The following SGCZ variants were observed in gnomAD, a reference collection of about 807,000 sequenced individuals.
SGCZ encodes the protein zeta-sarcoglycan.
In SGCZ, 40 loss-of-function variants were observed where a neutral mutation model predicts 41.3. The ratio of observed to expected loss-of-function variants is 0.97; its 90% CI spans 0.75 to 1.26. SGCZ has a LOEUF of 1.26. Ranked by LOEUF, SGCZ falls within the 50% of genes most tolerant of loss-of-function variation. SGCZ has a pLI of 0.00. For missense variants in SGCZ, 552 were observed against 369.8 expected (o/e 1.49, Z -4.04); for synonymous variants, 206 against 137.5 (o/e 1.50, Z -3.49).
intron 1 of SGCZ, among the ~76,000 whole-genome samples, chr8:14,667,198 AGTT>A (rs2117499294): frequency 6.6e-6 from 1 of 152,296 alleles, no homozygotes; most frequent in South Asian, 2.1e-4. Context: ...GTAATGTAAA[AGTT>A]TTGGAGAGGG....
intron 2 of SGCZ, among the ~76,000 whole-genome samples, chr8:14,411,296 G>A (rs73219744): frequency 0.47 from 71,362 of 151,976 alleles, 18,153 homozygotes; most frequent in Non-Finnish European, 0.58. Context: ...AACAAAAAAC[G>A]TAAAAGTTTT....
At chr8:14,604,322 T>G (rs2898393) in intron 1 of SGCZ, among the ~76,000 whole-genome samples, 26,584 of 152,082 alleles carry the variant, frequency 0.17, 2,451 homozygotes, top group African/African-American at 0.25. Context: ...AGAGAAATTG[T>G]GAGGCCTAGT....
intron 4 of SGCZ, among the ~76,000 whole-genome samples, chr8:14,203,164 C>T (rs1374630971): frequency 6.6e-6 from 1 of 152,134 alleles, no homozygotes; most frequent in Non-Finnish European, 1.5e-5. Context: ...TGCCCAGTCC[C>T]AGATATGTTT....
chr8:14,448,520 G>A (rs73517490), intron 2 of SGCZ, among the ~76,000 whole-genome samples: 1,790 of 152,168 alleles, frequency 0.012, 38 homozygotes, highest in African/African-American at 0.042. Flanking sequence ...TTGTCTATGG[G>A]AATTGCTGAG....
intron 1 of SGCZ, among the ~76,000 whole-genome samples, chr8:15,051,331 A>G (rs2130993688): frequency 6.6e-6 from 1 of 152,296 alleles, no homozygotes. Context: ...CTTGAAATTT[A>G]TCCTTGTTGT....
chr8:14,714,017 G>A lies in SGCZ; in HGVS notation c.40-159091C>T, dbSNP rs1452226287. On this transcript the variant is annotated intron_variant, in intron 1 of 7. Coordinates refer to ENST00000382080, the MANE Select transcript of SGCZ (RefSeq NM_139167.4). ...GGAGTCTCACTCTGTACCCAGGCTG[G>A]AGTGCAATGGTGCGATCTCAGCTCA... is the stretch of plus-strand genomic sequence containing the variant. Among the ~76,000 whole-genome samples, 3 of 152,186 alleles carry A rather than the reference G, an allele frequency of 2.0e-5. No homozygotes were observed. The East Asian group carries it at 5.8e-4, about 29-fold the overall frequency.
chr8:14,585,793 A>G (rs1401085190), intron 1 of SGCZ, among the ~76,000 whole-genome samples: 1 of 152,204 alleles, frequency 6.6e-6, no homozygotes, highest in Non-Finnish European at 1.5e-5. Flanking sequence ...CAATGAAAAC[A>G]AAGCAAAAAG....
intron 2 of SGCZ, among the ~76,000 whole-genome samples, chr8:14,476,455 T>G (rs1214484130): frequency 6.6e-6 from 1 of 151,954 alleles, no homozygotes; most frequent in Non-Finnish European, 1.5e-5. Context: ...AATATATATA[T>G]GTATGCATGT....
chr8:14,231,184 T>TGTGTGTGTGTGA, intron 4 of SGCZ, among the ~76,000 whole-genome samples: 1 of 150,370 alleles, frequency 6.7e-6, no homozygotes, highest in Non-Finnish European at 1.5e-5. Context: ...TGTGTGTGTG[T>TGTGTGTGTGTGA]GTGTGTGTGT....
At chr8:14,578,315 A>G (rs1163748041) in intron 1 of SGCZ, among the ~76,000 whole-genome samples, 1 of 152,178 alleles carries the variant, frequency 6.6e-6, no homozygotes, top group Non-Finnish European at 1.5e-5. Context: ...CCTTCCCTAG[A>G]AAAGAAGTCA....
At chr8:14,409,848 T>C (rs543363448) in intron 2 of SGCZ, among the ~76,000 whole-genome samples, 2 of 152,286 alleles carry the variant, frequency 1.3e-5, no homozygotes, top group African/African-American at 4.8e-5. Context: ...AACAATTTCA[T>C]TTACAAATAT....
At chr8:14,706,597 C>G (rs17116192) in intron 1 of SGCZ, among the ~76,000 whole-genome samples, 5,781 of 152,146 alleles carry the variant, frequency 0.038, 379 homozygotes, top group African/African-American at 0.13. Context: ...ATTTGAAGCT[C>G]TAACTCTTTA....
intron 1 of SGCZ, among the ~76,000 whole-genome samples, chr8:14,689,104 G>A (rs919580629): frequency 1.8e-4 from 27 of 152,006 alleles, no homozygotes; most frequent in African/African-American, 6.5e-4. Context: ...ACTAGGAAAT[G>A]GTATTTGACT....
intron 1 of SGCZ, among the ~76,000 whole-genome samples, chr8:15,121,880 G>A (rs1257031798): frequency 9.4e-5 from 13 of 138,612 alleles, no homozygotes; most frequent in Non-Finnish European, 1.5e-4. Context: ...CCAAACATGG[G>A]CTTTCTTTTC....
chr8:15,052,448 G>A (rs773435130), intron 1 of SGCZ, among the ~76,000 whole-genome samples: 55 of 152,292 alleles, frequency 3.6e-4, no homozygotes, highest in Non-Finnish European at 6.8e-4. Flanking sequence ...ACATGCTTCC[G>A]GATGTCCTGG....
chr8:14,286,744 T>C (rs1014266529), intron 3 of SGCZ, among the ~76,000 whole-genome samples: 6 of 152,166 alleles, frequency 3.9e-5, no homozygotes, highest in Non-Finnish European at 8.8e-5. Context: ...TCTTAGGCCA[T>C]ATTTCCAGAA....
chr8:14,692,607 C>G (rs968902948), intron 1 of SGCZ, among the ~76,000 whole-genome samples: 1 of 152,152 alleles, frequency 6.6e-6, no homozygotes, highest in Non-Finnish European at 1.5e-5. Flanking sequence ...AAAAAAGCAA[C>G]TGCTTTGTGG....
chr8:15,194,185 T>TCACACACACACA (rs34127082), intron 1 of SGCZ, among the ~76,000 whole-genome samples: 5 of 139,494 alleles, frequency 3.6e-5, no homozygotes, highest in East Asian at 2.1e-4. Flanking sequence ...CCACCTCTAA[T>TCACACACACACA]CACACACACA....
chr8:14,955,140 G>A (rs1177005336), intron 1 of SGCZ, among the ~76,000 whole-genome samples: 1 of 150,732 alleles, frequency 6.6e-6, no homozygotes, highest in Non-Finnish European at 1.5e-5. Flanking sequence ...TAGTTTTATT[G>A]GCCATGCATC....
Sources: allele counts gnomAD v4.1 joint callset (sites outside exome capture counted in the v4.1 genomes callset), GRCh38; gene constraint gnomAD v4.1.1; transcripts MANE v1.5; gene names NCBI Gene and HGNC (gene_info 2026-07-23, HGNC 2026-07-21).